Variants in PPP1R16A observed in about 807,000 individuals in gnomAD.
PPP1R16A encodes myosin phosphatase-targeting subunit 3.
A neutral mutation model predicts 46.6 loss-of-function variants in PPP1R16A; 39 were observed. The observed-to-expected ratio is 0.84, with a 90% CI of 0.65 to 1.09. PPP1R16A has a LOEUF of 1.09. PPP1R16A is among the 50% of genes least tolerant of loss of function. The probability of loss-of-function intolerance (pLI) is 0.00; values close to 1 mark genes in which losing one functional copy is unlikely to be tolerated. For synonymous variants in PPP1R16A, 413 were observed against 321.5 expected, an observed-to-expected ratio of 1.28 and a Z score of -3.04; for missense variants, 798 against 735.6, an observed-to-expected ratio of 1.08 and a Z score of -0.98.
rs904404078 is a variant in PPP1R16A, at chr8:144,500,582, G to A, written c.801G>A (p.Glu267=). ...SLSAKDQDGW[E]PLHAAAYWGQ... ...GCGCTAAGGACCAAGACGGCTGGGA[G>A]CCGCTGCACGCCGCGGCCTACTGGG... Residue 267 remains glutamate, a synonymous_variant, in exon 8 of 12, where the codon GAG becomes GAA. Transcript: ENST00000435887. 3.8e-6 allele frequency: 6 copies of A among 1,598,986 alleles called. No individual in the cohort carries two copies. Among genetic ancestry groups the A allele is most frequent in the East Asian group, 2.2e-5 (1 of 44,818 alleles).
intron 1 of PPP1R16A, among the ~76,000 whole-genome samples, chr8:144,479,394 C>T (rs1207355853): frequency 3.9e-5 from 6 of 152,212 alleles, no homozygotes; most frequent in Admixed American, 2.0e-4. Flanking sequence ...GTCCTTCCCC[C>T]TCCTGGTGCT....
chr8:144,479,078 C>A (rs1825292453), intron 1 of PPP1R16A: 1 of 152,298 alleles, frequency 6.6e-6, no homozygotes, highest in African/African-American at 2.4e-5. Flanking sequence ...TCTTGGCGCC[C>A]CAGTTGCTTC....
intron 11 of PPP1R16A, 30 bp from the exon 12 acceptor site, chr8:144,501,489 CT>C: frequency 3.3e-6 from 5 of 1,503,998 alleles, no homozygotes; most frequent in Non-Finnish European, 4.4e-6. Context: ...GAGGAGCCTC[CT>C]GATGGCTCTG....
Position 144,501,948 on chromosome 8 carries a change from A to T in PPP1R16A, c.*45A>T. 6.8e-7 allele frequency: 1 copy of T among 1,467,716 alleles called. No homozygotes were observed. The highest frequency in any genetic ancestry group is 9.0e-7 in the Non-Finnish European group (1 of 1,111,642). 90.9% of individuals were successfully genotyped at this position (1,467,716 alleles called of 1,614,324 possible). A position where few individuals can be genotyped will look rare whatever the true frequency, so the allele number is the denominator to read the frequency against. On this transcript the variant is annotated 3_prime_UTR_variant, in exon 12 of 12. Coordinates refer to ENST00000435887, the MANE Select transcript of PPP1R16A (RefSeq NM_001329443.2). Reference sequence around the variant, plus strand: ...GGGGCCCTGTCGCGGGCACAGCCCAAGGCTGCCTCCCCACGGTGCGTGCCC... The same window carrying T: ...GGGGCCCTGTCGCGGGCACAGCCCATGGCTGCCTCCCCACGGTGCGTGCCC...
intron 1 of PPP1R16A, among the ~76,000 whole-genome samples, chr8:144,483,152 A>G (rs1277066177): frequency 1.3e-5 from 2 of 152,204 alleles, no homozygotes; most frequent in Non-Finnish European, 2.9e-5. Context: ...TGTGGCTGAC[A>G]GAGTTACGTT....
At chr8:144,485,142 C>T (rs1021888956) in intron 1 of PPP1R16A, among the ~76,000 whole-genome samples, 1 of 140,036 alleles carries the variant, frequency 7.1e-6, no homozygotes, top group African/African-American at 2.7e-5. Context: ...CCTTAGGAAG[C>T]CATAGTGAGG....
rs188593868 is a variant in PPP1R16A at position 144,493,989 on chromosome 8, A to C, written c.-734-2472A>C. 5.4e-3 allele frequency among the ~76,000 whole-genome samples: 821 copies of C among 152,096 alleles called. 11 individuals are homozygous for C. The highest frequency in any genetic ancestry group is 6.5e-3 in the Non-Finnish European group (441 of 67,926). On this transcript the variant is annotated intron_variant, in intron 2 of 11. Coordinates refer to ENST00000435887, the MANE Select transcript of PPP1R16A (RefSeq NM_001329443.2). The surrounding 1 kb of genome is among the most constrained non-coding windows in gnomAD (Gnocchi z 4.3). ...AGCTGCTGTTCTCTGATGAATTTTC[A>C]CGGATGTGCCTCGGAATGAGAAACA...
chr8:144,498,085 C>G (rs773337011), intron 3 of PPP1R16A: 1 of 456,244 alleles, frequency 2.2e-6, no homozygotes. Flanking sequence ...CTGCCTCCCT[C>G]CGGAGCAGAG....
rs548206071 is a variant in PPP1R16A at position 144,501,604 on chromosome 8, C to T, written c.1288C>T (p.Arg430Trp). The T allele has an allele frequency of 1.8e-5, 29 of 1,608,542 alleles. No individual in the cohort carries two copies. In the Admixed American group the frequency reaches 2.0e-4, roughly 11 times the overall value. The change falls in exon 12 of 12, where the codon CGG becomes TGG. Residue 430 changes from arginine (R) to tryptophan (W), a missense_variant. Transcript: ENST00000435887. Reference protein sequence around the residue: ...VRHLYSKRLDRSVSYQLSPLD... With the variant: ...VRHLYSKRLDWSVSYQLSPLD... ...GCATCTATACTCCAAGCGACTAGACCGGAGTGTCTCCTACCAGCTGAGCCC... is the reference window on the plus strand; with the variant it reads ...GCATCTATACTCCAAGCGACTAGACTGGAGTGTCTCCTACCAGCTGAGCCC...
chr8:144,480,502 T>A (rs1190621696), intron 1 of PPP1R16A, among the ~76,000 whole-genome samples: 2 of 152,014 alleles, frequency 1.3e-5, no homozygotes, highest in African/African-American at 4.8e-5. Context: ...TTTTTTTTTT[T>A]TTTGAGACAG....
chr8:144,497,997 C>T (rs965102563), intron 3 of PPP1R16A: 1 of 455,288 alleles, frequency 2.2e-6, no homozygotes, highest in African/African-American at 2.0e-5. Flanking sequence ...CGCTTGCAGC[C>T]CCAGCTGTGT....
chr8:144,495,743 G>C (rs1826027091), intron 2 of PPP1R16A: 1 of 152,474 alleles, frequency 6.6e-6, no homozygotes, highest in Non-Finnish European at 1.5e-5. Context: ...GCCAAGCACA[G>C]AGTGCCTTCT....
Position 144,501,805 on chromosome 8 carries a change from T to C in PPP1R16A, c.1489T>C (p.Cys497Arg), listed in dbSNP as rs1209820047. Reference protein sequence around the residue: ...PGDTVTPQPDCGFRAGGDPPL... With the variant: ...PGDTVTPQPDRGFRAGGDPPL... Reference sequence around the variant, plus strand: ...TGACACGGTGACCCCCCAGCCTGACTGTGGCTTCAGGGCAGGCGGGGACCC... The same window carrying C: ...TGACACGGTGACCCCCCAGCCTGACCGTGGCTTCAGGGCAGGCGGGGACCC... The change falls in exon 12 of 12, where the codon TGT becomes CGT. Residue 497 changes from cysteine (C) to arginine (R), a missense_variant. Cys to Arg is a radical substitution (Grantham distance 180). Coordinates refer to ENST00000435887, the MANE Select transcript of PPP1R16A (RefSeq NM_001329443.2). 3 of 1,556,018 alleles carry C rather than the reference T, an allele frequency of 1.9e-6. No individual in the cohort carries two copies. Among genetic ancestry groups the C allele is most frequent in the Non-Finnish European group, 1.7e-6 (2 of 1,151,094 alleles).
intron 2 of PPP1R16A, among the ~76,000 whole-genome samples, chr8:144,494,129 T>A (rs1334097810): frequency 6.6e-6 from 1 of 152,168 alleles, no homozygotes; most frequent in Non-Finnish European, 1.5e-5. Context: ...TTCTCTTACA[T>A]TAATTATTTT....
chr8:144,497,840 C>T, intron 3 of PPP1R16A: 1 of 376,588 alleles, frequency 2.7e-6, no homozygotes, highest in Non-Finnish European at 5.2e-6. Flanking sequence ...GAGCCCTGGT[C>T]TCCACCTCCG....
In PPP1R16A at chr8:144,493,083, C is replaced by T. The variant is rs573905758; in HGVS notation, c.-735+2871C>T. Reference sequence around the variant, plus strand: ...GCTCTCGGGCCTGGAGCTGTCCTCACGGGGGCTCCTGGGAGCTTGGGCTGG... The same window carrying T: ...GCTCTCGGGCCTGGAGCTGTCCTCATGGGGGCTCCTGGGAGCTTGGGCTGG... On this transcript the variant is annotated intron_variant, in intron 2 of 11. Coordinates refer to ENST00000435887, the MANE Select transcript of PPP1R16A (RefSeq NM_001329443.2). This position sits in a 1 kb window ranked among gnomAD's most constrained non-coding sequence, Gnocchi z 4.3. 3.0e-4 allele frequency among the ~76,000 whole-genome samples: 45 copies of T among 152,196 alleles called. 1 individual carries two copies. Among genetic ancestry groups the T allele is most frequent in the Non-Finnish European group, 5.4e-4 (37 of 67,966 alleles).
At chr8:144,500,237 C>T in intron 6 of PPP1R16A, 30 bp from the exon 7 acceptor site, 1 of 1,577,312 alleles carries the variant, frequency 6.3e-7, no homozygotes, top group Non-Finnish European at 8.6e-7. Context: ...GGCTGCCGGT[C>T]GCGCTCCCTC....
rs566899093 is a variant in PPP1R16A at position 144,499,597 on chromosome 8, G to A, written c.477-499G>A. 1.8e-3 allele frequency: 342 copies of A among 186,792 alleles called. 3 individuals are homozygous for A. The highest frequency in any genetic ancestry group is 9.5e-3 in the Middle Eastern group (4 of 422). 11.6% of individuals were successfully genotyped at this position (186,792 alleles called of 1,614,324 possible). On this transcript the variant is annotated intron_variant, in intron 5 of 11. Transcript: ENST00000435887. Reference sequence around the variant, plus strand: ...GAGGCCGGGTGGGGTGTGCATGGCGGTCGCGTCACACACAGGCGCTGCGGG... The same window carrying A: ...GAGGCCGGGTGGGGTGTGCATGGCGATCGCGTCACACACAGGCGCTGCGGG...
chr8:144,494,350 G>C (rs757118447), intron 2 of PPP1R16A, among the ~76,000 whole-genome samples: 1 of 151,974 alleles, frequency 6.6e-6, no homozygotes, highest in East Asian at 1.9e-4. Context: ...ATCGCCCTCT[G>C]TCTGCCAGGC....
Sources: allele counts gnomAD v4.1 joint callset (sites outside exome capture counted in the v4.1 genomes callset), GRCh38; gene constraint gnomAD v4.1.1; non-coding constraint Gnocchi (gnomAD v3.1); transcripts MANE v1.5; gene names NCBI Gene and HGNC (gene_info 2026-07-23, HGNC 2026-07-21).